The following RALYL variants were observed in gnomAD, a reference collection of about 807,000 sequenced individuals.
RALYL encodes the protein RALY RNA binding protein like.
Under a neutral mutation model 35.1 loss-of-function variants are expected in RALYL, and 29 were observed. The ratio of observed to expected loss-of-function variants is 0.83; its 90% CI spans 0.61 to 1.13. The LOEUF (loss-of-function observed/expected upper bound fraction) is 1.13, where lower values mean the gene tolerates loss of function less well. Ranked by LOEUF, RALYL falls within the 50% of genes most tolerant of loss-of-function variation. The pLI, the probability that RALYL is intolerant of heterozygous loss-of-function variation, is 0.00. For missense variants in RALYL, 359 were observed against 360.4 expected (o/e 1.00, Z 0.03); for synonymous variants, 120 against 127.6 (o/e 0.94, Z 0.40).
intron 5 of RALYL, among the ~76,000 whole-genome samples, chr8:84,854,542 T>C (rs1229204154): frequency 6.6e-6 from 1 of 152,182 alleles, no homozygotes; most frequent in Non-Finnish European, 1.5e-5. Flanking sequence ...CCCCAAAGCA[T>C]TCCGGCTGCA....
chr8:84,337,801 A>G (rs1848081916), intron 1 of RALYL, among the ~76,000 whole-genome samples: 1 of 152,044 alleles, frequency 6.6e-6, no homozygotes, highest in African/African-American at 2.4e-5. Context: ...AGCTGGTAAA[A>G]GACACTCAAC....
intron 1 of RALYL, among the ~76,000 whole-genome samples, chr8:84,373,797 G>A (rs1856400327): frequency 6.6e-6 from 1 of 151,724 alleles, no homozygotes; most frequent in African/African-American, 2.4e-5. Flanking sequence ...TGAATCTTTG[G>A]GTGGTATGGC....
At chr8:84,684,685 T>C (rs889163899) in intron 2 of RALYL, among the ~76,000 whole-genome samples, 3 of 152,132 alleles carry the variant, frequency 2.0e-5, no homozygotes, top group Non-Finnish European at 4.4e-5. Flanking sequence ...GTGTAAGAAT[T>C]GGCATGACAT....
chr8:84,661,611 A>G (rs1474534295), intron 2 of RALYL, among the ~76,000 whole-genome samples: 1 of 147,640 alleles, frequency 6.8e-6, no homozygotes, highest in African/African-American at 2.5e-5. Flanking sequence ...TTTTCGTGCT[A>G]CATTTTATTT....
chr8:84,584,471 C>T (rs904839148), intron 2 of RALYL, among the ~76,000 whole-genome samples: 7 of 151,928 alleles, frequency 4.6e-5, no homozygotes, highest in Admixed American at 6.6e-5. Context: ...GGCATGGTGG[C>T]GTGCATCTGT....
chr8:84,206,000 C>T (rs1314486527), intron 1 of RALYL, among the ~76,000 whole-genome samples: 1 of 152,134 alleles, frequency 6.6e-6, no homozygotes, highest in Non-Finnish European at 1.5e-5. Context: ...TTTTCTCAAT[C>T]TCCTCTTCTT....
At chr8:84,729,128 G>A (rs1029630861) in intron 2 of RALYL, among the ~76,000 whole-genome samples, 1 of 152,078 alleles carries the variant, frequency 6.6e-6, no homozygotes, top group African/African-American at 2.4e-5. Flanking sequence ...TCTTCCATTT[G>A]TTTGTATCCT....
At chr8:84,239,024 G>A (rs1827259050) in intron 1 of RALYL, among the ~76,000 whole-genome samples, 1 of 152,124 alleles carries the variant, frequency 6.6e-6, no homozygotes, top group African/African-American at 2.4e-5. Flanking sequence ...TACCATGTTA[G>A]GCACCATAAT....
rs147169023 is a variant in RALYL, at chr8:84,829,779, G to T, written c.366-20201G>T. Among the ~76,000 whole-genome samples, 31 of 152,110 alleles carry T rather than the reference G, an allele frequency of 2.0e-4. 1 individual carries two copies. Among genetic ancestry groups the T allele is most frequent in the Admixed American group, 1.5e-3 (23 of 15,276 alleles). On this transcript the variant is annotated intron_variant, in intron 4 of 8. Transcript: ENST00000521268. Reference sequence around the variant, plus strand: ...CCATTGCTCCTAGCGGAAATAGAGGGCTAGATCCCTATGAGCCTCTGATCA... The same window carrying T: ...CCATTGCTCCTAGCGGAAATAGAGGTCTAGATCCCTATGAGCCTCTGATCA...
chr8:84,750,492 C>T (rs1809714335), intron 2 of RALYL, among the ~76,000 whole-genome samples: 1 of 152,118 alleles, frequency 6.6e-6, no homozygotes, highest in Non-Finnish European at 1.5e-5. Flanking sequence ...TGTTGTCCAC[C>T]TGCTCTCATG....
chr8:84,873,376 A>G lies in RALYL; in HGVS notation c.664A>G (p.Lys222Glu). 2 of 1,597,272 alleles carry G rather than the reference A, an allele frequency of 1.3e-6. No homozygotes were observed. The highest frequency in any genetic ancestry group is 8.5e-7 in the Non-Finnish European group (1 of 1,171,082). The part of the protein sequence containing the change: ...SLLGRLEKIE[K>E]QQKAEAEAQK... ...GCTAGGGCGCCTGGAGAAGATTGAG[A>G]AACAGCAGAAGGCGGAGGCAGGTAA... Residue 222 changes from lysine to glutamate, a missense_variant, in exon 7 of 9, where the codon AAA becomes GAA. By Grantham distance (56) the Lys-to-Glu change is moderately conservative (BLOSUM62 1). Transcript: ENST00000521268.
intron 2 of RALYL, among the ~76,000 whole-genome samples, chr8:84,744,340 G>T (rs1358652586): frequency 6.6e-6 from 1 of 151,966 alleles, no homozygotes; most frequent in African/African-American, 2.4e-5. Flanking sequence ...GAGCTCCACT[G>T]TGGATTGCCC....
intron 1 of RALYL, among the ~76,000 whole-genome samples, chr8:84,502,187 G>T (rs2056743805): frequency 6.6e-6 from 1 of 151,930 alleles, no homozygotes; most frequent in South Asian, 2.1e-4. Flanking sequence ...ATACATATAT[G>T]TGTACATGAC....
chr8:84,670,636 G>C (rs543046120), intron 2 of RALYL, among the ~76,000 whole-genome samples: 1 of 152,298 alleles, frequency 6.6e-6, no homozygotes, highest in South Asian at 2.1e-4. Context: ...CAGCAGGCAA[G>C]AGTGTGTGTG....
At chr8:84,690,303 T>C (rs929552101) in intron 2 of RALYL, among the ~76,000 whole-genome samples, 2 of 152,110 alleles carry the variant, frequency 1.3e-5, no homozygotes, top group Non-Finnish European at 2.9e-5. Context: ...CTACATGATC[T>C]CATTTACATG....
chr8:84,469,150 G>C (rs1490028252), intron 1 of RALYL, among the ~76,000 whole-genome samples: 1 of 152,058 alleles, frequency 6.6e-6, no homozygotes, highest in East Asian at 1.9e-4. Flanking sequence ...CAGCTCGTCA[G>C]TCATTCTCCA....
intron 2 of RALYL, among the ~76,000 whole-genome samples, chr8:84,654,402 G>A (rs936716996): frequency 2.7e-5 from 4 of 148,074 alleles, no homozygotes; most frequent in Admixed American, 6.8e-5. Context: ...TGGGATATCC[G>A]TCCACTCAAG....
At chr8:84,629,447 A>G (rs1823461339) in intron 2 of RALYL, among the ~76,000 whole-genome samples, 1 of 152,080 alleles carries the variant, frequency 6.6e-6, no homozygotes, top group Non-Finnish European at 1.5e-5. Flanking sequence ...CAATACAAAT[A>G]TATAAGGATA....
chr8:84,207,220 A>G (rs1034717179), intron 1 of RALYL, among the ~76,000 whole-genome samples: 3 of 152,136 alleles, frequency 2.0e-5, no homozygotes, highest in Admixed American at 1.3e-4. Context: ...TTCCACATTC[A>G]TTGCAGCATT....
Sources: allele counts gnomAD v4.1 joint callset (sites outside exome capture counted in the v4.1 genomes callset), GRCh38; gene constraint gnomAD v4.1.1; transcripts MANE v1.5; gene names NCBI Gene and HGNC (gene_info 2026-07-23, HGNC 2026-07-21).